Variants in TSNARE1 observed in about 807,000 individuals in gnomAD.
TSNARE1 encodes the protein t-SNARE domain-containing protein 1.
In TSNARE1, 49 loss-of-function variants were observed where a neutral mutation model predicts 62.0. The observed-to-expected ratio is 0.79, with a 90% CI of 0.63 to 1.00. TSNARE1 has a LOEUF of 1.00. TSNARE1 is among the 50% of genes least tolerant of loss of function. The probability of loss-of-function intolerance (pLI) is 0.00; values close to 1 mark genes in which losing one functional copy is unlikely to be tolerated. For synonymous variants in TSNARE1, 328 were observed against 294.4 expected (o/e 1.11, Z -1.17); for missense variants, 755 against 700.1 (o/e 1.08, Z -0.88).
rs1268969172 is a variant in TSNARE1 at position 142,319,499 on chromosome 8, G to C, written c.894-865C>G. Among the ~76,000 whole-genome samples, 2 of 152,172 alleles carry C rather than the reference G, an allele frequency of 1.3e-5. No homozygotes were observed. The highest frequency in any genetic ancestry group is 3.9e-4 in the East Asian group (2 of 5,140). ...TCGCCACCCCCATCCCTGGAGAGAG[G>C]AGCACCAGGGCAACGGTACCCCAGC... On this transcript the variant is annotated intron_variant, in intron 6 of 13. Coordinates refer to ENST00000524325, the MANE Select transcript of TSNARE1 (RefSeq NM_145003.5). The surrounding 1 kb of genome is among the most constrained non-coding windows in gnomAD (Gnocchi z 4.9).
chr8:142,219,858 G>A (rs1014973823), intron 13 of TSNARE1, among the ~76,000 whole-genome samples: 1 of 152,222 alleles, frequency 6.6e-6, no homozygotes, highest in East Asian at 1.9e-4. Context: ...GACAACCCAT[G>A]GGCTGCTGTG....
At chr8:142,228,001 C>T (rs970812967) in intron 13 of TSNARE1, among the ~76,000 whole-genome samples, 6 of 152,220 alleles carry the variant, frequency 3.9e-5, no homozygotes, top group African/African-American at 1.4e-4. Flanking sequence ...TGTTCCCTTG[C>T]CAGCCTTCCC....
At chr8:142,391,497 A>G (rs1270278110) in intron 1 of TSNARE1, among the ~76,000 whole-genome samples, 1 of 152,232 alleles carries the variant, frequency 6.6e-6, no homozygotes, top group African/African-American at 2.4e-5. Flanking sequence ...GAAGGAAGGA[A>G]GAGCTGCAGC....
intron 13 of TSNARE1, among the ~76,000 whole-genome samples, chr8:142,227,502 C>T (rs111300090): frequency 2.7e-5 from 4 of 150,940 alleles, no homozygotes; most frequent in East Asian, 4.0e-4. Flanking sequence ...TGCCCATAAC[C>T]CCAGTGACAG....
chr8:142,330,128 C>A (rs866106015), intron 6 of TSNARE1, among the ~76,000 whole-genome samples: 1 of 152,234 alleles, frequency 6.6e-6, no homozygotes, highest in Non-Finnish European at 1.5e-5. Context: ...CTTGGAGCTG[C>A]GGGCATCCCG....
At position 142,300,508 on chromosome 8, in the gene TSNARE1, T is replaced by G. The variant is rs775216316; in HGVS notation, c.1268A>C (p.Glu423Ala). 1 of 1,606,856 alleles carries G rather than the reference T, an allele frequency of 6.2e-7. No individual in the cohort carries two copies. The highest frequency in any genetic ancestry group is 8.5e-7 in the Non-Finnish European group (1 of 1,179,330). Residue 423 changes from glutamate (E) to alanine (A), a missense_variant, in exon 10 of 14, where the codon GAG becomes GCG. By Grantham distance (107) the Glu-to-Ala change is moderately radical. Transcript: ENST00000524325. ...EEDLEAIRLR[E>A]EAILQMESNL... Reference sequence around the variant, plus strand: ...CACCTCCATCTGCAGGATGGCCTCCTCCCGCAGCCGGATGGCCTCCAGGTC... The same window carrying G: ...CACCTCCATCTGCAGGATGGCCTCCGCCCGCAGCCGGATGGCCTCCAGGTC...
intron 12 of TSNARE1, among the ~76,000 whole-genome samples, chr8:142,242,160 ATG>A (rs1351974962): frequency 5.3e-5 from 8 of 151,528 alleles, no homozygotes; most frequent in South Asian, 2.1e-4. Flanking sequence ...TCTCCATCTC[ATG>A]CCATATACAA....
At chr8:142,362,995 C>T (rs1455170711) in intron 1 of TSNARE1, among the ~76,000 whole-genome samples, 1 of 152,160 alleles carries the variant, frequency 6.6e-6, no homozygotes, top group Non-Finnish European at 1.5e-5. Context: ...CGGGTCCTGG[C>T]CCCATCCTAA....
At chr8:142,255,467 TCACCACCAC>T (rs1818393545) in intron 12 of TSNARE1, among the ~76,000 whole-genome samples, 8 of 32,086 alleles carry the variant, frequency 2.5e-4, no homozygotes, top group Admixed American at 3.3e-4. Context: ...ACCATCACCA[TCACCACCAC>T]CATCACCATC....
intron 10 of TSNARE1, among the ~76,000 whole-genome samples, chr8:142,294,861 A>G (rs553898001): frequency 6.6e-6 from 1 of 151,830 alleles, no homozygotes; most frequent in East Asian, 1.9e-4. Context: ...TGAAGCTCAC[A>G]CTCCCGGTGA....
intron 12 of TSNARE1, 81 bp from the exon 13 acceptor site, chr8:142,229,660 T>C (rs1021814052): frequency 9.4e-5 from 128 of 1,363,606 alleles, no homozygotes; most frequent in Non-Finnish European, 1.3e-4. Context: ...GTGCATACTT[T>C]GGGCTGTGGC....
intron 10 of TSNARE1, among the ~76,000 whole-genome samples, chr8:142,286,177 G>A (rs553347732): frequency 7.9e-5 from 12 of 152,264 alleles, no homozygotes; most frequent in Non-Finnish European, 1.5e-4. Flanking sequence ...CCGAACAAAA[G>A]CAACCCTCCT....
chr8:142,333,155 G>A (rs1054030270), intron 4 of TSNARE1, among the ~76,000 whole-genome samples: 3 of 152,246 alleles, frequency 2.0e-5, no homozygotes, highest in African/African-American at 7.2e-5. Context: ...GGACAGAGCT[G>A]TGGGTTACAC....
chr8:142,278,103 G>C, intron 11 of TSNARE1: 1 of 985,274 alleles, frequency 1.0e-6, no homozygotes, highest in Non-Finnish European at 1.2e-6. Context: ...CACCCCATCA[G>C]GAGGCCCACT....
At chr8:142,243,809 T>C (rs1264465375) in intron 12 of TSNARE1, among the ~76,000 whole-genome samples, 1 of 152,252 alleles carries the variant, frequency 6.6e-6, no homozygotes, top group Non-Finnish European at 1.5e-5. Context: ...TCGCTTGATT[T>C]AATTTTTCCA....
At chr8:142,358,427 C>A (rs934745044) in intron 1 of TSNARE1, among the ~76,000 whole-genome samples, 1 of 152,156 alleles carries the variant, frequency 6.6e-6, no homozygotes, top group African/African-American at 2.4e-5. Context: ...AAGAGCTGAG[C>A]TGAATCAGAG....
chr8:142,240,343 C>T (rs1817621581), intron 12 of TSNARE1, among the ~76,000 whole-genome samples: 1 of 151,858 alleles, frequency 6.6e-6, no homozygotes, highest in Admixed American at 6.6e-5. Flanking sequence ...CCACGGAATA[C>T]ATAAAGCAAA....
At chr8:142,271,652 G>T in intron 12 of TSNARE1, 1 of 1,402,802 alleles carries the variant, frequency 7.1e-7, no homozygotes, top group Admixed American at 3.1e-5. Flanking sequence ...GGACCTCAGG[G>T]GCAGCCACAA....
intron 12 of TSNARE1, among the ~76,000 whole-genome samples, chr8:142,247,423 T>A (rs2130247626): frequency 6.6e-6 from 1 of 152,336 alleles, no homozygotes; most frequent in Non-Finnish European, 1.5e-5. Flanking sequence ...CTTTCTTCTT[T>A]CCTGTTTCTC....
Sources: allele counts gnomAD v4.1 joint callset (sites outside exome capture counted in the v4.1 genomes callset), GRCh38; gene constraint gnomAD v4.1.1; non-coding constraint Gnocchi (gnomAD v3.1); transcripts MANE v1.5; gene names NCBI Gene and HGNC (gene_info 2026-07-23, HGNC 2026-07-21).